The following DSG1 variants were observed in gnomAD, a reference collection of about 807,000 sequenced individuals.
DSG1 encodes desmoglein-1.
A neutral mutation model predicts 97.5 loss-of-function variants in DSG1; 39 were observed. The observed-to-expected ratio is 0.40, with a 90% CI of 0.31 to 0.52. The LOEUF is 0.52. DSG1 is among the 20% of genes least tolerant of loss of function. The probability of loss-of-function intolerance (pLI) is 0.53; values close to 1 mark genes in which losing one functional copy is unlikely to be tolerated. For missense variants in DSG1, 1,311 were observed against 1,295.4 expected, an observed-to-expected ratio of 1.01 and a Z score of -0.18; for synonymous variants, 475 against 443.4, an observed-to-expected ratio of 1.07 and a Z score of -0.90.
intron 10 of DSG1, 111 bp downstream of exon 10, chr18:31,338,565 T>C (rs2071769604): frequency 8.5e-7 from 1 of 1,171,614 alleles, no homozygotes; most frequent in Non-Finnish European, 1.2e-6. Context: ...ACAAAAGTTG[T>C]CACACTGGGC....
chr18:31,342,532 A>G (rs1409962031), intron 11 of DSG1, among the ~76,000 whole-genome samples: 66 of 152,004 alleles, frequency 4.3e-4, no homozygotes, highest in Non-Finnish European at 1.2e-4. Context: ...ATTCAAAACC[A>G]TTTACCAAGA....
chr18:31,346,061 GAACT>G lies in DSG1; in HGVS notation c.1967_1970del (p.Leu656GlnfsTer20). On this transcript the variant is annotated frameshift_variant, in exon 14 of 15. Transcript: ENST00000257192. LOFTEE classifies it high-confidence loss of function. ...AGGAGGAGAGAGAATGACAGGATTT[GAACT>G]AACAGAGGGAGTTAAAACTTCAGGA... 2.5e-6 allele frequency: 4 copies of G among 1,613,890 alleles called. No individual in the cohort carries two copies. The highest frequency in any genetic ancestry group is 3.4e-6 in the Non-Finnish European group (4 of 1,179,858).
Position 31,345,974 on chromosome 18 carries a change from T to C in DSG1, c.1892-16T>C. 6.2e-7 allele frequency: 1 copy of C among 1,605,844 alleles called. No individual in the cohort carries two copies. The highest frequency in any genetic ancestry group is 1.7e-4 in the Middle Eastern group (1 of 6,038). ...TAGACTAAAGAAAATAAATTTAATT[T>C]GATCAACACTTTTAGGAGTTTATAC... On this transcript the variant is annotated splice_polypyrimidine_tract_variant and intron_variant, in intron 13 of 14. Coordinates refer to ENST00000257192, the MANE Select transcript of DSG1 (RefSeq NM_001942.4).
chr18:31,340,149 C>T, intron 11 of DSG1, 124 bp downstream of exon 11: 1 of 1,104,486 alleles, frequency 9.1e-7, no homozygotes, highest in Non-Finnish European at 1.3e-6. Context: ...TATAAAGAAA[C>T]TTCTGTGTTT....
intron 11 of DSG1, 174 bp from the exon 12 acceptor site, chr18:31,343,276 C>A (rs2071802173): frequency 1.2e-6 from 1 of 844,740 alleles, no homozygotes; most frequent in Non-Finnish European, 2.0e-6. Flanking sequence ...TATACAGAAG[C>A]TCCCATTTAC....
At position 31,336,632 on chromosome 18, in the gene DSG1, A is replaced by G. The variant is rs772816761; in HGVS notation, c.1265+19A>G. The G allele has an allele frequency of 1.2e-6, 2 of 1,613,782 alleles. No individual in the cohort carries two copies. Among genetic ancestry groups the G allele is most frequent in the Admixed American group, 3.3e-5 (2 of 60,012 alleles). ...CTGTTAGGTAAGAATGAGATTTTCA[A>G]CTAATTTTCCTTACATATTGAACTT... On this transcript the variant is annotated intron_variant, in intron 9 of 14. Transcript: ENST00000257192.
intron 14 of DSG1, among the ~76,000 whole-genome samples, chr18:31,351,566 G>C (rs1368506897): frequency 6.6e-6 from 1 of 151,410 alleles, no homozygotes; most frequent in Non-Finnish European, 1.5e-5. Context: ...GTTGACAGTG[G>C]GGTGTTAAAG....
chr18:31,318,709 G>T lies in DSG1; in HGVS notation c.48+361G>T, dbSNP rs367904041. Among the ~76,000 whole-genome samples, 5 of 144,660 alleles carry T rather than the reference G, an allele frequency of 3.5e-5. No individual in the cohort carries two copies. In the East Asian group the frequency reaches 5.8e-4, roughly 17 times the overall value. 94.9% of individuals were successfully genotyped at this position (144,660 alleles called of 152,430 possible). A position where few individuals can be genotyped will look rare whatever the true frequency, so the allele number is the denominator to read the frequency against. ...AAACTAAATATCACAAGTGTGTCTG[G>T]ATTTTTAACCTGTTTTTTTTTTTAT... On this transcript the variant is annotated intron_variant, in intron 1 of 14. Transcript: ENST00000257192.
At chr18:31,321,774 A>G (rs547016312) in intron 1 of DSG1, among the ~76,000 whole-genome samples, 3 of 152,332 alleles carry the variant, frequency 2.0e-5, no homozygotes, top group East Asian at 3.9e-4. Context: ...TCATCAATCT[A>G]GAAAATTATC....
At position 31,326,972 on chromosome 18, in the gene DSG1, T is replaced by G. The variant is rs1030004076; in HGVS notation, c.183T>G (p.Gly61=). 4.3e-6 allele frequency: 7 copies of G among 1,613,550 alleles called. No individual in the cohort carries two copies. The highest frequency in any genetic ancestry group is 5.1e-6 in the Non-Finnish European group (6 of 1,179,810). ...WIKFAAACRE[G]EDNSKRNPIA... The stretch of plus-strand genomic sequence containing the variant: ...AGTTCGCAGCAGCCTGTCGTGAAGG[T>G]GAAGACAACTCAAAGAGGAACCCAA... The change falls in exon 3 of 15, where the codon GGT becomes GGG. Residue 61 remains glycine, a synonymous_variant. Coordinates refer to ENST00000257192, the MANE Select transcript of DSG1 (RefSeq NM_001942.4).
intron 1 of DSG1, among the ~76,000 whole-genome samples, chr18:31,324,195 G>T (rs1443525951): frequency 1.3e-5 from 2 of 151,222 alleles, no homozygotes; most frequent in African/African-American, 2.4e-5. Flanking sequence ...TGTTGGCCAG[G>T]ATGTTCTCAG....
chr18:31,336,295 C>G, intron 8 of DSG1, 59 bp from the exon 9 acceptor site: 3 of 1,504,438 alleles, frequency 2.0e-6, no homozygotes, highest in Non-Finnish European at 2.7e-6. Context: ...AAAGGATTTT[C>G]TTTCACCTGG....
At chr18:31,338,266 T>C (rs759879755) in intron 9 of DSG1, 49 bp from the exon 10 acceptor site, 1 of 1,578,702 alleles carries the variant, frequency 6.3e-7, no homozygotes, top group Non-Finnish European at 8.7e-7. Context: ...TTAAAATTTC[T>C]TTTTTTAGAT....
chr18:31,335,986 A>G (rs981280912), intron 8 of DSG1, among the ~76,000 whole-genome samples: 7 of 152,106 alleles, frequency 4.6e-5, no homozygotes, highest in Middle Eastern at 3.4e-3. Flanking sequence ...TGTGTAATAA[A>G]TAGCTACTTT....
intron 1 of DSG1, among the ~76,000 whole-genome samples, chr18:31,322,746 T>A (rs2071661883): frequency 6.6e-6 from 1 of 152,210 alleles, no homozygotes; most frequent in Non-Finnish European, 1.5e-5. Context: ...AACAATTATG[T>A]TAGAATTCAA....
intron 1 of DSG1, among the ~76,000 whole-genome samples, chr18:31,320,760 A>T (rs553676629): frequency 2.0e-5 from 3 of 152,350 alleles, no homozygotes; most frequent in African/African-American, 4.8e-5. Context: ...GCCTGAGAAC[A>T]ATGCTTCTTA....
chr18:31,328,482 C>T (rs749365490), intron 4 of DSG1, 138 bp downstream of exon 4: 13 of 826,342 alleles, frequency 1.6e-5, no homozygotes, highest in Non-Finnish European at 2.3e-5. Flanking sequence ...ACGAGCATCC[C>T]ACGACTGAAA....
rs1029784122 is a variant in DSG1 at position 31,327,860 on chromosome 18, C to A, written c.217-329C>A. On this transcript the variant is annotated intron_variant, in intron 3 of 14. Coordinates refer to ENST00000257192, the MANE Select transcript of DSG1 (RefSeq NM_001942.4). The stretch of plus-strand genomic sequence containing the variant: ...TCTGTAGCTCCAGTGCAAGCACAGA[C>A]CCTGCAAATAATACAAGATCAAATT... 1.6e-4 allele frequency among the ~76,000 whole-genome samples: 24 copies of A among 152,268 alleles called. 1 individual carries two copies. In the East Asian group the frequency reaches 4.4e-3, roughly 28 times the overall value.
chr18:31,321,008 T>A (rs2071649950), intron 1 of DSG1, among the ~76,000 whole-genome samples: 1 of 152,166 alleles, frequency 6.6e-6, no homozygotes, highest in African/African-American at 2.4e-5. Flanking sequence ...AGAAAATGAC[T>A]TTTATCTATG....
Sources: allele counts gnomAD v4.1 joint callset (sites outside exome capture counted in the v4.1 genomes callset), GRCh38; gene constraint gnomAD v4.1.1; transcripts MANE v1.5; gene names NCBI Gene and HGNC (gene_info 2026-07-23, HGNC 2026-07-21).